ZNF875: variants seen among roughly 807,000 people sequenced by gnomAD.
ZNF875 encodes the protein zinc finger protein 875.
ZNF875 carries 14 observed loss-of-function variants against 11.2 expected under a neutral mutation model. The observed-to-expected ratio is 1.26, with a 90% CI of 0.83 to 1.96. The LOEUF is 1.96. Ranked by LOEUF, ZNF875 falls within the 30% of genes most tolerant of loss-of-function variation. The pLI is 0.00. For synonymous variants in ZNF875, 301 were observed against 281.1 expected (o/e 1.07, Z -0.71); for missense variants, 752 against 760.4 (o/e 0.99, Z 0.13).
At chr19:37,336,489 C>T (rs1441619357) in intron 2 of ZNF875, among the ~76,000 whole-genome samples, 10 of 150,236 alleles carry the variant, frequency 6.7e-5, no homozygotes, top group African/African-American at 2.4e-4. Flanking sequence ...TTAGTAGAGA[C>T]GGGGTTTCAC....
chr19:37,322,132 T>A (rs2145686091), intron 1 of ZNF875: 1 of 151,602 alleles, frequency 6.6e-6, no homozygotes, highest in South Asian at 2.1e-4. Flanking sequence ...GGCCTGTAAC[T>A]TTTTTTTTGG....
intron 4 of ZNF875, among the ~76,000 whole-genome samples, chr19:37,328,193 C>G (rs1270603275): frequency 4.6e-5 from 7 of 151,986 alleles, no homozygotes; most frequent in African/African-American, 1.7e-4. Flanking sequence ...AAGCCAAGAT[C>G]GCACCATTGC....
At chr19:37,344,416 A>G (rs2036370489) in intron 2 of ZNF875, among the ~76,000 whole-genome samples, 1 of 152,146 alleles carries the variant, frequency 6.6e-6, no homozygotes, top group Middle Eastern at 3.2e-3. Context: ...GGTTCAGGGA[A>G]CACACATTGA....
intron 4 of ZNF875, among the ~76,000 whole-genome samples, chr19:37,351,921 T>C (rs1341618135): frequency 6.6e-6 from 1 of 152,202 alleles, no homozygotes; most frequent in African/African-American, 2.4e-5. Context: ...AAATGTCAGA[T>C]AGGTCATATT....
At chr19:37,357,251 A>G (rs992967498) in intron 4 of ZNF875, among the ~76,000 whole-genome samples, 1 of 152,126 alleles carries the variant, frequency 6.6e-6, no homozygotes, top group Admixed American at 6.5e-5. Context: ...AAGTCAGGTA[A>G]TGTGATATTT....
At chr19:37,324,760 C>T in intron 4 of ZNF875, 1 of 149,260 alleles carries the variant, frequency 6.7e-6, no homozygotes, top group Non-Finnish European at 1.4e-5. Context: ...TATTTTCCAT[C>T]AAGATTGAAC....
At chr19:37,330,115 A>T (rs1020196618), upstream of ZNF875, among the ~76,000 whole-genome samples, 10 of 151,756 alleles carry the variant, frequency 6.6e-5, no homozygotes, top group Non-Finnish European at 2.9e-5. Flanking sequence ...AATAAAGAAT[A>T]TTTTTTCAAT....
intron 4 of ZNF875, among the ~76,000 whole-genome samples, chr19:37,355,606 C>A (rs543602881): frequency 2.5e-4 from 38 of 152,208 alleles, no homozygotes; most frequent in South Asian, 8.3e-4. Flanking sequence ...TGTTATCTAC[C>A]ATTCGTATTA....
intron 2 of ZNF875, chr19:37,346,195 G>A (rs957940366): frequency 1.3e-5 from 2 of 152,172 alleles, no homozygotes; most frequent in Admixed American, 1.3e-4. Context: ...TACATAGAAC[G>A]GCCAGGGACT....
intron 2 of ZNF875, chr19:37,344,752 G>A: frequency 6.2e-7 from 1 of 1,601,234 alleles, no homozygotes; most frequent in Non-Finnish European, 8.6e-7. Context: ...ACCATGAGTT[G>A]TTCCGGGGCT....
intron 4 of ZNF875, among the ~76,000 whole-genome samples, chr19:37,355,401 G>A (rs1463011465): frequency 1.3e-5 from 2 of 152,154 alleles, no homozygotes; most frequent in African/African-American, 4.8e-5. Flanking sequence ...TGTTAGTCAG[G>A]CTGGTCTTGA....
At chr19:37,361,861 G>T in intron 4 of ZNF875, 1 of 417,428 alleles carries the variant, frequency 2.4e-6, no homozygotes, top group Non-Finnish European at 4.2e-6. Flanking sequence ...AGGTTGCAGT[G>T]AGCTGAGATC....
intron 4 of ZNF875, among the ~76,000 whole-genome samples, chr19:37,361,068 A>G (rs1209065247): frequency 2.7e-5 from 4 of 146,438 alleles, no homozygotes; most frequent in African/African-American, 1.0e-4. Context: ...TCTAGTTAAG[A>G]TGCCTTTCAT....
upstream of ZNF875, among the ~76,000 whole-genome samples, chr19:37,314,287 A>G (rs570276265): frequency 2.0e-5 from 3 of 151,580 alleles, no homozygotes; most frequent in East Asian, 3.9e-4. Context: ...AATTATTATT[A>G]TTTTTTTTAT....
intron 4 of ZNF875, among the ~76,000 whole-genome samples, chr19:37,350,283 T>C (rs2037625100): frequency 6.6e-6 from 1 of 151,680 alleles, no homozygotes; most frequent in South Asian, 2.1e-4. Context: ...CTAACTTTTT[T>C]GTATTTTTAG....
chr19:37,355,861 C>T (rs2038813059), intron 4 of ZNF875, among the ~76,000 whole-genome samples: 1 of 152,072 alleles, frequency 6.6e-6, no homozygotes, highest in African/African-American at 2.4e-5. Flanking sequence ...GGGTTTGGGG[C>T]TTCTATTGAA....
intron 4 of ZNF875, among the ~76,000 whole-genome samples, chr19:37,356,135 T>C (rs1250328002): frequency 6.6e-6 from 1 of 152,218 alleles, no homozygotes; most frequent in East Asian, 1.9e-4. Context: ...CTGCATAGTA[T>C]TTCATGGTGT....
At chr19:37,347,491 A>G (rs10424574) in intron 3 of ZNF875, 175 bp downstream of exon 3, 124,349 of 637,294 alleles carry the variant, frequency 0.2, 13,170 homozygotes, top group South Asian at 0.29. Context: ...AGATTGATTT[A>G]TTCATGTTAT....
At position 37,362,286 on chromosome 19, in the gene ZNF875, C is replaced by G. The variant is rs137976256; in HGVS notation, c.434C>G (p.Pro145Arg). Residue 145 changes from proline to arginine, a missense_variant, in exon 5 of 5, where the codon CCA (proline) becomes CGA (arginine). Physicochemically the swap from Pro to Arg is moderately radical, Grantham distance 103. Transcript: ENST00000392153. Reference protein sequence around the residue: ...YPEDQKQQQDPFCFSGKAEWI... With the variant: ...YPEDQKQQQDRFCFSGKAEWI... ...GAAGATCAGAAACAACAGCAGGATC[C>G]ATTCTGCTTTAGTGGCAAAGCAGAA... 2 of 1,614,100 alleles carry G rather than the reference C, an allele frequency of 1.2e-6. No homozygotes were observed. The highest frequency in any genetic ancestry group is 1.7e-6 in the Non-Finnish European group (2 of 1,179,984).
Sources: gnomAD v4.1 joint callset for allele counts (sites outside exome capture counted in the v4.1 genomes callset) on GRCh38, gnomAD v4.1.1 for gene constraint, MANE v1.5 for transcripts, NCBI Gene and HGNC (gene_info 2026-07-23, HGNC 2026-07-21) for gene names.